Variants in PDZD2 observed in about 807,000 individuals in gnomAD.
The protein encoded by PDZD2 is PDZ domain-containing protein 2.
A neutral mutation model predicts 220.7 loss-of-function variants in PDZD2; 90 were observed. The ratio of observed to expected loss-of-function variants is 0.41; its 90% CI spans 0.34 to 0.49. The LOEUF is 0.49. PDZD2 is among the 20% of genes least tolerant of loss of function. The pLI, the probability that PDZD2 is intolerant of heterozygous loss-of-function variation, is 0.28. For missense variants in PDZD2, 3,174 were observed against 3,608.5 expected, an observed-to-expected ratio of 0.88 and a Z score of 3.08; for synonymous variants, 1,375 against 1,450.5, an observed-to-expected ratio of 0.95 and a Z score of 1.18.
intron 2 of PDZD2, among the ~76,000 whole-genome samples, chr5:31,903,426 T>A (rs1007185673): frequency 6.6e-5 from 10 of 151,710 alleles, no homozygotes; most frequent in Non-Finnish European, 1.5e-4. Context: ...GTGGGAAGAT[T>A]GCTTGAGCCC....
chr5:31,930,127 C>T (rs932253585), intron 2 of PDZD2, among the ~76,000 whole-genome samples: 2 of 151,802 alleles, frequency 1.3e-5, no homozygotes, highest in Non-Finnish European at 2.9e-5. Flanking sequence ...ACCATGCTTC[C>T]TGTACAACCT....
At chr5:31,974,529 C>T (rs1443957215) in intron 2 of PDZD2, among the ~76,000 whole-genome samples, 2 of 152,090 alleles carry the variant, frequency 1.3e-5, no homozygotes, top group South Asian at 4.1e-4. Flanking sequence ...CATTATACAT[C>T]GAGAACTATG....
intron 1 of PDZD2, among the ~76,000 whole-genome samples, chr5:31,695,749 T>A (rs1747352470): frequency 6.6e-6 from 1 of 152,180 alleles, no homozygotes; most frequent in African/African-American, 2.4e-5. Context: ...GTAATAAAGA[T>A]CTGATTGGGT....
At chr5:31,897,685 C>T (rs771455217) in intron 2 of PDZD2, among the ~76,000 whole-genome samples, 15 of 151,498 alleles carry the variant, frequency 9.9e-5, no homozygotes, top group South Asian at 2.1e-4. Context: ...ACAGAAGAGA[C>T]GCATATGAAA....
chr5:32,005,525 CAA>C (rs397728983), intron 5 of PDZD2, among the ~76,000 whole-genome samples: 1 of 131,598 alleles, frequency 7.6e-6, no homozygotes, highest in South Asian at 2.4e-4. Context: ...GTAGACAACC[CAA>C]AAAAAAAAAA....
chr5:32,065,218 G>C (rs1179198107), intron 14 of PDZD2, among the ~76,000 whole-genome samples: 2 of 152,004 alleles, frequency 1.3e-5, no homozygotes, highest in South Asian at 4.2e-4. Flanking sequence ...GAAATCACTT[G>C]TACCTGCGAG....
chr5:31,954,538 A>G (rs1483657853), intron 2 of PDZD2, among the ~76,000 whole-genome samples: 1 of 152,142 alleles, frequency 6.6e-6, no homozygotes, highest in Non-Finnish European at 1.5e-5. Context: ...CATTGTGACT[A>G]TTGGCTTTGG....
intron 2 of PDZD2, among the ~76,000 whole-genome samples, chr5:31,945,917 T>C (rs1163493681): frequency 6.6e-6 from 1 of 152,136 alleles, no homozygotes; most frequent in East Asian, 1.9e-4. Flanking sequence ...GCCCCAAGAG[T>C]GTTCATCTTA....
chr5:32,074,340 G>A lies in PDZD2; in HGVS notation c.3234G>A (p.Leu1078=). ...CTGGAAGCTGGTGGAAGAAGGAACT[G>A]TCAGGATCAAGTAGCGCACCCAAAT... ...GSPGSWWKKE[L]SGSSSAPKLE... is the part of the protein sequence containing the mutation. The change falls in exon 18 of 25, where the codon CTG becomes CTA. Residue 1078 remains leucine, a synonymous_variant. Transcript: ENST00000438447. 6.2e-7 allele frequency: 1 copy of A among 1,614,226 alleles called. No homozygotes were observed. Among genetic ancestry groups the A allele is most frequent in the Middle Eastern group, 1.6e-4 (1 of 6,062 alleles).
At chr5:31,888,604 C>T (rs767999184) in intron 2 of PDZD2, among the ~76,000 whole-genome samples, 2 of 152,202 alleles carry the variant, frequency 1.3e-5, no homozygotes, top group Non-Finnish European at 2.9e-5. Flanking sequence ...GTGGTTTATA[C>T]TCTACAAGGC....
At chr5:31,980,006 A>G (rs950699026) in intron 2 of PDZD2, among the ~76,000 whole-genome samples, 3 of 152,230 alleles carry the variant, frequency 2.0e-5, no homozygotes, top group Non-Finnish European at 4.4e-5. Context: ...TGTATTCACT[A>G]GGAACACAAA....
chr5:31,772,197 T>C (rs1220579236), intron 1 of PDZD2, among the ~76,000 whole-genome samples: 2 of 152,160 alleles, frequency 1.3e-5, no homozygotes, highest in Non-Finnish European at 2.9e-5. Context: ...CACATCTGTT[T>C]CCCGGGTCAC....
At chr5:31,670,566 G>A (rs1447776016) in intron 1 of PDZD2, among the ~76,000 whole-genome samples, 5 of 151,984 alleles carry the variant, frequency 3.3e-5, no homozygotes, top group African/African-American at 7.3e-5. Context: ...ACAGGCACCC[G>A]CCACCACGCC....
intron 2 of PDZD2, among the ~76,000 whole-genome samples, chr5:31,807,358 C>G (rs1316739140): frequency 1.3e-5 from 2 of 152,216 alleles, no homozygotes; most frequent in African/African-American, 2.4e-5. Flanking sequence ...ACCTCAGCCA[C>G]AGGCTGTTGC....
chr5:31,856,594 C>T (rs1758466370), intron 2 of PDZD2, among the ~76,000 whole-genome samples: 1 of 152,106 alleles, frequency 6.6e-6, no homozygotes, highest in Non-Finnish European at 1.5e-5. Context: ...GCCTTTCTGC[C>T]TCCTCACGTC....
chr5:31,930,425 T>A (rs1581104988), intron 2 of PDZD2, among the ~76,000 whole-genome samples: 1 of 151,890 alleles, frequency 6.6e-6, no homozygotes, highest in African/African-American at 2.4e-5. Flanking sequence ...GGTCTCGATC[T>A]CCTGACCTCG....
intron 3 of PDZD2, among the ~76,000 whole-genome samples, chr5:31,989,420 TC>T (rs147300769): frequency 1.3e-4 from 18 of 136,830 alleles, no homozygotes; most frequent in South Asian, 5.3e-4. Context: ...CATTTTCTTT[TC>T]TTTTTTTTTT....
chr5:31,954,698 G>A (rs1002418983), intron 2 of PDZD2, among the ~76,000 whole-genome samples: 2 of 152,112 alleles, frequency 1.3e-5, no homozygotes, highest in South Asian at 4.1e-4. Flanking sequence ...GGAGACCGAG[G>A]CAGGCGGATC....
chr5:32,092,147 G>A (rs1427006160), intron 20 of PDZD2, among the ~76,000 whole-genome samples: 4 of 151,528 alleles, frequency 2.6e-5, no homozygotes, highest in South Asian at 2.1e-4. Flanking sequence ...GGTGGCAGGC[G>A]CCTGTAATCC....
Sources: allele counts gnomAD v4.1 joint callset (sites outside exome capture counted in the v4.1 genomes callset), GRCh38; gene constraint gnomAD v4.1.1; transcripts MANE v1.5; gene names NCBI Gene and HGNC (gene_info 2026-07-23, HGNC 2026-07-21).